The following SUN2 variants were observed in gnomAD, a reference collection of about 807,000 sequenced individuals.
The protein encoded by SUN2 is SUN domain-containing protein 2.
A neutral mutation model predicts 100.0 loss-of-function variants in SUN2; 60 were observed. The observed-to-expected ratio is 0.60, with a 90% CI of 0.49 to 0.74. The LOEUF (loss-of-function observed/expected upper bound fraction) is 0.74. Among genes scored for constraint, SUN2 ranks in the 30% least tolerant of loss-of-function variants. The probability of loss-of-function intolerance (pLI) is 0.00; values close to 1 mark genes in which losing one functional copy is unlikely to be tolerated. For missense variants in SUN2, 834 were observed against 954.6 expected, an observed-to-expected ratio of 0.87 and a Z score of 1.66; for synonymous variants, 367 against 403.3, an observed-to-expected ratio of 0.91 and a Z score of 1.08.
At position 38,740,274 on chromosome 22, in the gene SUN2, C is replaced by A; in HGVS notation, c.1349G>T (p.Arg450Leu). 6.3e-7 allele frequency: 1 copy of A among 1,590,086 alleles called. No individual in the cohort carries two copies. The highest frequency in any genetic ancestry group is 2.3e-5 in the East Asian group (1 of 44,196). Residue 450 changes from arginine (R) to leucine (L), a missense_variant, in exon 12 of 18, where the codon CGG (arginine) becomes CTG (leucine). Transcript: ENST00000689035. This position sits in a 1 kb window ranked among gnomAD's most constrained non-coding sequence, Gnocchi z 4.8. ...CTGGTGGTTCCCACTCACGTCGTCCCGCACGGCCTGGATCTGCTGGGGCAG... is the reference window on the plus strand; with the variant it reads ...CTGGTGGTTCCCACTCACGTCGTCCAGCACGGCCTGGATCTGCTGGGGCAG... ...GLLPQQIQAV[R>L]DDVESQFPAW... is the part of the protein sequence containing the mutation.
Position 38,741,047 on chromosome 22 carries a change from A to G in SUN2, c.1150T>C (p.Ser384Pro). The G allele has an allele frequency of 6.3e-7, 1 of 1,596,526 alleles. No individual in the cohort carries two copies. The highest frequency in any genetic ancestry group is 1.7e-4 in the Middle Eastern group (1 of 6,040). ...TTCAGCTGCTGGATGCGAGCCTCGG[A>G]CTCCTGTGTAGGAAGAAGGGACAAA... ...FKKIVRASQE[S>P]EARIQQLKSE... The change falls in exon 11 of 18, where the codon TCC becomes CCC. Residue 384 changes from serine to proline, a missense_variant. Physicochemically the swap from Ser to Pro is moderately conservative, Grantham distance 74 (BLOSUM62 -1). Coordinates refer to ENST00000689035, the MANE Select transcript of SUN2 (RefSeq NM_015374.3).
intron 2 of SUN2, among the ~76,000 whole-genome samples, chr22:38,751,980 C>G (rs561873587): frequency 6.6e-6 from 1 of 152,032 alleles, no homozygotes; most frequent in South Asian, 2.1e-4. Flanking sequence ...TCCTTTTTTT[C>G]TTTTTGAGAT....
At position 38,740,890 on chromosome 22, in the gene SUN2, A is replaced by G. The variant is rs1409270618; in HGVS notation, c.1190+117T>C. On this transcript the variant is annotated intron_variant, in intron 11 of 17. Coordinates refer to ENST00000689035, the MANE Select transcript of SUN2 (RefSeq NM_015374.3). This position sits in a 1 kb window ranked among gnomAD's most constrained non-coding sequence, Gnocchi z 4.8. ...CTGGGTTTCAACCCCTCCCCCTACC[A>G]TCTGCTTGGCAAGATGATCAGAACT... The G allele has an allele frequency of 6.8e-6, 8 of 1,172,700 alleles. No individual in the cohort carries two copies. The highest frequency in any genetic ancestry group is 9.8e-6 in the Non-Finnish European group (8 of 815,782). 72.6% of individuals were successfully genotyped at this position (1,172,700 alleles called of 1,614,324 possible). A position where few individuals can be genotyped will look rare whatever the true frequency, so the allele number is the denominator to read the frequency against.
At chr22:38,754,603 TCCC>T in intron 1 of SUN2, 1 of 889,150 alleles carries the variant, frequency 1.1e-6, no homozygotes, top group Non-Finnish European at 1.6e-6. Context: ...TAAGGTAATC[TCCC>T]CTCCCCCCTC....
Position 38,755,974 on chromosome 22 carries a change from G to C in SUN2, c.-249C>G, listed in dbSNP as rs1159390699. ...CGGCCGGCGGAGGCCCGCGCTGCGC[G>C]AGTGGGGCCGGGCGGCGCGCGTGTG... is the stretch of plus-strand genomic sequence containing the variant. On this transcript the variant is annotated 5_prime_UTR_variant, in exon 1 of 18. Coordinates refer to ENST00000689035, the MANE Select transcript of SUN2 (RefSeq NM_015374.3). This position sits in a 1 kb window ranked among gnomAD's most constrained non-coding sequence, Gnocchi z 5.7. 2.0e-6 allele frequency: 2 copies of C among 983,984 alleles called. No individual in the cohort carries two copies. The highest frequency in any genetic ancestry group is 1.2e-6 in the Non-Finnish European group (1 of 829,424). 61.0% of individuals were successfully genotyped at this position (983,984 alleles called of 1,614,324 possible). A position where few individuals can be genotyped will look rare whatever the true frequency, so the allele number is the denominator to read the frequency against.
chr22:38,748,477 T>A (rs188761675), intron 7 of SUN2, among the ~76,000 whole-genome samples: 7 of 152,312 alleles, frequency 4.6e-5, no homozygotes, highest in Admixed American at 2.6e-4. Context: ...TGGGAGGGCA[T>A]CCCGCTTTTC....
Position 38,740,517 on chromosome 22 carries a change from G to T in SUN2, c.1191-85C>A. ...CAAAGATGAAAGAGGACCCCCTAGT[G>T]GGCTCCCGTCAGGAGAGCGGGTGCC... On this transcript the variant is annotated intron_variant, in intron 11 of 17. Coordinates refer to ENST00000689035, the MANE Select transcript of SUN2 (RefSeq NM_015374.3). This position sits in a 1 kb window ranked among gnomAD's most constrained non-coding sequence, Gnocchi z 4.8. 1.5e-6 allele frequency: 2 copies of T among 1,375,608 alleles called. No homozygotes were observed. Among genetic ancestry groups the T allele is most frequent in the Non-Finnish European group, 1.9e-6 (2 of 1,048,380 alleles). 85.2% of individuals were successfully genotyped at this position (1,375,608 alleles called of 1,614,324 possible). A position where few individuals can be genotyped will look rare whatever the true frequency, so the allele number is the denominator to read the frequency against.
In SUN2 at chr22:38,738,487, T is replaced by TCCC; in HGVS notation, c.1947+97_1947+99dup. ...TCCTCCTCTTCCAAATCCACTCCCC[T>TCCC]CCCTTCCAGTCCAAGGGTGACCCTG... On this transcript the variant is annotated intron_variant, in intron 16 of 17. Transcript: ENST00000689035. This position sits in a 1 kb window ranked among gnomAD's most constrained non-coding sequence, Gnocchi z 6.6. The TCCC allele has an allele frequency of 6.8e-7, 1 of 1,477,956 alleles. No individual in the cohort carries two copies. Among genetic ancestry groups the TCCC allele is most frequent in the Non-Finnish European group, 9.2e-7 (1 of 1,085,058 alleles). The allele number at this position is 1,477,956 out of a possible 1,614,324, so 91.6% of individuals were successfully genotyped here. A position where few individuals can be genotyped will look rare whatever the true frequency, so the allele number is the denominator to read the frequency against.
chr22:38,738,287 G>A lies in SUN2; in HGVS notation c.1948-22C>T. On this transcript the variant is annotated intron_variant, in intron 16 of 17. Transcript: ENST00000689035. The surrounding 1 kb of genome is among the most constrained non-coding windows in gnomAD (Gnocchi z 6.6). ...ACCCCTGCAAAGAGAGCGGAGGGAA[G>A]TGGGGAGGGGCTGGAGCAGGGAGAA... The A allele has an allele frequency of 6.2e-7, 1 of 1,603,220 alleles. No homozygotes were observed. Among genetic ancestry groups the A allele is most frequent in the South Asian group, 1.1e-5 (1 of 90,696 alleles).
At position 38,755,937 on chromosome 22, in the gene SUN2, G is replaced by A. The variant is rs962926692; in HGVS notation, c.-212C>T. 2.0e-6 allele frequency: 2 copies of A among 983,428 alleles called. No individual in the cohort carries two copies. Among genetic ancestry groups the A allele is most frequent in the Non-Finnish European group, 2.4e-6 (2 of 829,220 alleles). The allele number at this position is 983,428 out of a possible 1,614,324, so 60.9% of individuals were successfully genotyped here. Reference sequence around the variant, plus strand: ...AGCGGCGACGCGGGACAAGGCGGGCGGGCGGACAATGCGGCCGGCGGAGGC... The same window carrying A: ...AGCGGCGACGCGGGACAAGGCGGGCAGGCGGACAATGCGGCCGGCGGAGGC... On this transcript the variant is annotated 5_prime_UTR_variant, in exon 1 of 18. Coordinates refer to ENST00000689035, the MANE Select transcript of SUN2 (RefSeq NM_015374.3). The surrounding 1 kb of genome is among the most constrained non-coding windows in gnomAD (Gnocchi z 5.7).
chr22:38,746,569 A>G (rs1340201387), intron 7 of SUN2, among the ~76,000 whole-genome samples: 1 of 152,174 alleles, frequency 6.6e-6, no homozygotes, highest in Non-Finnish European at 1.5e-5. Context: ...CATGGCCTTC[A>G]TGCACACACT....
intron 8 of SUN2, chr22:38,745,181 C>A: frequency 4.2e-6 from 2 of 471,120 alleles, no homozygotes; most frequent in Middle Eastern, 3.3e-4. Flanking sequence ...GCTAGCCTGC[C>A]GGGTGAGCAA....
Position 38,738,136 on chromosome 22 carries a change from T to C in SUN2, c.2040+37A>G. On this transcript the variant is annotated intron_variant, in intron 17 of 17. Coordinates refer to ENST00000689035, the MANE Select transcript of SUN2 (RefSeq NM_015374.3). The surrounding 1 kb of genome is among the most constrained non-coding windows in gnomAD (Gnocchi z 6.6). ...GAGCACCTGCTGCCTGGATGGGGAG[T>C]CTGCGCCACTTCTGCTAGCACAGCA... 1 of 1,592,906 alleles carries C rather than the reference T, an allele frequency of 6.3e-7. No homozygotes were observed. Among genetic ancestry groups the C allele is most frequent in the East Asian group, 2.2e-5 (1 of 44,750 alleles).
chr22:38,751,893 G>A (rs2092948344), intron 2 of SUN2, among the ~76,000 whole-genome samples: 1 of 152,238 alleles, frequency 6.6e-6, no homozygotes, highest in Non-Finnish European at 1.5e-5. Flanking sequence ...GTTCCTGTGA[G>A]CCCAGCCTGC....
Position 38,734,748 on chromosome 22 carries a change from TA to T in SUN2, c.*1518del, listed in dbSNP as rs1334836177. ...CATCCCACAGCTCTTGGGCGTCATT[TA>T]TTTTTTGCATAGGCATAAATTAGGA... On this transcript the variant is annotated 3_prime_UTR_variant, in exon 18 of 18. Coordinates refer to ENST00000689035, the MANE Select transcript of SUN2 (RefSeq NM_015374.3). The T allele has an allele frequency of 5.8e-6, 1 of 172,162 alleles. No homozygotes were observed. The highest frequency in any genetic ancestry group is 1.3e-5 in the Non-Finnish European group (1 of 78,608). 10.7% of individuals were successfully genotyped at this position (172,162 alleles called of 1,614,324 possible).
rs764507309 is a variant in SUN2, at chr22:38,740,317, C to T, written c.1306G>A (p.Ala436Thr). The change falls in exon 12 of 18, where the codon GCG (alanine) becomes ACG (threonine). Residue 436 changes from alanine to threonine, a missense_variant. Physicochemically the swap from Ala to Thr is moderately conservative, Grantham distance 58 (BLOSUM62 0). Around this residue, in one of 3 missense-constraint regions of SUN2, gnomAD observed 559 missense variants for 597.7 expected, o/e 0.94. Transcript: ENST00000689035. This position sits in a 1 kb window ranked among gnomAD's most constrained non-coding sequence, Gnocchi z 4.8. Reference protein sequence around the residue: ...AALALKQSSVAEEVGLLPQQI... With the variant: ...AALALKQSSVTEEVGLLPQQI... ...TGGGGCAGCAGGCCCACTTCTTCCG[C>T]CACCGAGCTCTGCTTCAGTGCCAGA... is the stretch of plus-strand genomic sequence containing the variant. 3 of 1,603,706 alleles carry T rather than the reference C, an allele frequency of 1.9e-6. No individual in the cohort carries two copies. The East Asian group carries it at 6.7e-5, about 36-fold the overall frequency.
At position 38,745,805 on chromosome 22, in the gene SUN2, C is replaced by G. The variant is rs146381067; in HGVS notation, c.692G>C (p.Trp231Ser). 1 of 1,613,848 alleles carries G rather than the reference C, an allele frequency of 6.2e-7. No individual in the cohort carries two copies. Among genetic ancestry groups the G allele is most frequent in the African/African-American group, 1.3e-5 (1 of 75,036 alleles). The part of the protein sequence containing the change: ...LLLTCLTYGA[W>S]YFYPYGLQTF... ...CTGCAGCCCATAGGGGTAGAAATAC[C>G]AAGCACCTGTGCACAGGGGAGAGGG... is the stretch of plus-strand genomic sequence containing the variant. The change falls in exon 8 of 18, where the codon TGG becomes TCG. Residue 231 changes from tryptophan to serine, a missense_variant. Physicochemically the swap from Trp to Ser is radical, Grantham distance 177 (BLOSUM62 -3). Transcript: ENST00000689035.
chr22:38,738,400 CCA>C lies in SUN2; in HGVS notation c.1948-137_1948-136del, dbSNP rs542070070. 149 of 1,092,890 alleles carry C rather than the reference CCA, an allele frequency of 1.4e-4. No homozygotes were observed. In the South Asian group the frequency reaches 2.1e-3, roughly 16 times the overall value. 67.7% of individuals were successfully genotyped at this position (1,092,890 alleles called of 1,614,324 possible). A position where few individuals can be genotyped will look rare whatever the true frequency, so the allele number is the denominator to read the frequency against. On this transcript the variant is annotated intron_variant, in intron 16 of 17. Transcript: ENST00000689035. The surrounding 1 kb of genome is among the most constrained non-coding windows in gnomAD (Gnocchi z 6.6). ...TGACAAGTCACTTCACTCTCTTGTG[CCA>C]CAGTTTCTGCCTCCAAAGCCTAAGG...
At position 38,738,144 on chromosome 22, in the gene SUN2, A is replaced by G. The variant is rs747284430; in HGVS notation, c.2040+29T>C. The G allele has an allele frequency of 1.2e-6, 2 of 1,607,236 alleles. No individual in the cohort carries two copies. Among genetic ancestry groups the G allele is most frequent in the Non-Finnish European group, 1.7e-6 (2 of 1,173,932 alleles). On this transcript the variant is annotated intron_variant, in intron 17 of 17. Transcript: ENST00000689035. This position sits in a 1 kb window ranked among gnomAD's most constrained non-coding sequence, Gnocchi z 6.6. The stretch of plus-strand genomic sequence containing the variant: ...GCTGCCTGGATGGGGAGTCTGCGCC[A>G]CTTCTGCTAGCACAGCAGCATCCCG...
Sources: gnomAD v4.1 joint callset for allele counts (sites outside exome capture counted in the v4.1 genomes callset) on GRCh38, gnomAD v4.1.1 for gene constraint, gnomAD v4.1.1 regional missense constraint, Gnocchi (gnomAD v3.1) non-coding constraint, MANE v1.5 for transcripts, NCBI Gene and HGNC (gene_info 2026-07-23, HGNC 2026-07-21) for gene names.